The following ARPC2 variants were observed in gnomAD, a reference collection of about 807,000 sequenced individuals.
ARPC2 encodes the protein actin-related protein 2/3 complex subunit 2.
Under a neutral mutation model 38.6 loss-of-function variants are expected in ARPC2, and 4 were observed. The ratio of observed to expected loss-of-function variants is 0.10; its 90% confidence interval spans 0.05 to 0.24. The LOEUF is 0.24. Ranked by LOEUF, ARPC2 falls within the 10% of genes least tolerant of loss-of-function variation. ARPC2 has a pLI of 1.00. For synonymous variants in ARPC2, 125 were observed against 140.8 expected, an observed-to-expected ratio of 0.89 and a Z score of 0.79; for missense variants, 229 against 387.3, an observed-to-expected ratio of 0.59 and a Z score of 3.43.
At chr2:218,252,381 C>G (rs1690212805) in intron 10 of ARPC2, among the ~76,000 whole-genome samples, 1 of 152,150 alleles carries the variant, frequency 6.6e-6, no homozygotes, top group African/African-American at 2.4e-5. Flanking sequence ...GCAAAGTGAC[C>G]AACAAGGTGG....
intron 2 of ARPC2, among the ~76,000 whole-genome samples, chr2:218,218,065 C>G (rs1045960422): frequency 1.3e-5 from 2 of 152,210 alleles, no homozygotes; most frequent in African/African-American, 4.8e-5. Context: ...AGACTAAAAG[C>G]CGACCCAGTC....
intron 10 of ARPC2, among the ~76,000 whole-genome samples, chr2:218,250,890 CAG>C (rs1054487867): frequency 6.6e-6 from 1 of 151,990 alleles, no homozygotes; most frequent in Non-Finnish European, 1.5e-5. Context: ...TTGGGGGAGA[CAG>C]AGTCTCACTC....
At chr2:218,228,515 GAAAGA>G in intron 3 of ARPC2, among the ~76,000 whole-genome samples, 1 of 152,306 alleles carries the variant, frequency 6.6e-6, no homozygotes, top group East Asian at 1.9e-4. Flanking sequence ...TGTGATTAAG[GAAAGA>G]ATAGCTTTGT....
intron 2 of ARPC2, among the ~76,000 whole-genome samples, chr2:218,221,081 G>A (rs936953654): frequency 2.6e-5 from 4 of 152,200 alleles, no homozygotes; most frequent in African/African-American, 4.8e-5. Context: ...ACCAAGAACC[G>A]TTTCATAACT....
chr2:218,245,465 C>T lies in ARPC2; in HGVS notation c.595C>T (p.Leu199Phe). ...AGCCAGCCACACAGCCCCACAGGTC[C>T]TCTTTAGCCACAGGGAACCTCCTCT... The part of the protein sequence containing the change: ...RRASHTAPQV[L>F]FSHREPPLEL... The change falls in exon 8 of 11, where the codon CTC becomes TTC. Residue 199 changes from leucine to phenylalanine, a missense_variant. By Grantham distance (22) the Leu-to-Phe change is conservative. Coordinates refer to ENST00000315717, the MANE Select transcript of ARPC2 (RefSeq NM_152862.3). 1.2e-6 allele frequency: 2 copies of T among 1,614,154 alleles called. No individual in the cohort carries two copies. The highest frequency in any genetic ancestry group is 1.7e-6 in the Non-Finnish European group (2 of 1,180,026).
intron 4 of ARPC2, among the ~76,000 whole-genome samples, chr2:218,232,028 T>C (rs1387075858): frequency 6.6e-6 from 1 of 152,098 alleles, no homozygotes; most frequent in African/African-American, 2.4e-5. Flanking sequence ...TTGCTTGAGG[T>C]CAGGATTTCG....
At chr2:218,237,562 C>G (rs1321835025) in intron 5 of ARPC2, among the ~76,000 whole-genome samples, 2 of 150,224 alleles carry the variant, frequency 1.3e-5, no homozygotes, top group Non-Finnish European at 3.0e-5. Flanking sequence ...ATTAACAAGT[C>G]AGGCAATTTT....
rs1311991430 is a variant in ARPC2, at chr2:218,225,474, C to T, written c.75-446C>T. 2.6e-5 allele frequency among the ~76,000 whole-genome samples: 4 copies of T among 152,122 alleles called. No individual in the cohort carries two copies. In the East Asian group the frequency reaches 5.8e-4, roughly 22 times the overall value. On this transcript the variant is annotated intron_variant, in intron 2 of 10. Transcript: ENST00000315717. ...AGAACTTGCCGTTTTGTTTATGGCC[C>T]GAAATCATCCTTTCTCTTTAAGCAT...
chr2:218,227,559 TG>T (rs1427274134), intron 3 of ARPC2, among the ~76,000 whole-genome samples: 2 of 151,546 alleles, frequency 1.3e-5, no homozygotes, highest in African/African-American at 4.9e-5. Flanking sequence ...CTCAAGTAGC[TG>T]GGACTACAGA....
In ARPC2 at chr2:218,232,448, A is replaced by G. The variant is rs114843198; in HGVS notation, c.223-1904A>G. On this transcript the variant is annotated intron_variant, in intron 4 of 10. Coordinates refer to ENST00000315717, the MANE Select transcript of ARPC2 (RefSeq NM_152862.3). The stretch of plus-strand genomic sequence containing the variant: ...TTTGACTCATGTTCTGGGGACTGGG[A>G]AGTCCAAGAGCGTGGCACCAGCATC... Among the ~76,000 whole-genome samples, 737 of 152,124 alleles carry G rather than the reference A, an allele frequency of 4.8e-3. 3 individuals are homozygous for G. Among genetic ancestry groups the G allele is most frequent in the Non-Finnish European group, 8.4e-3 (568 of 67,998 alleles).
chr2:218,252,504 G>A (rs1265475412), intron 10 of ARPC2, among the ~76,000 whole-genome samples: 1 of 152,086 alleles, frequency 6.6e-6, no homozygotes, highest in African/African-American at 2.4e-5. Flanking sequence ...TTCTCACCGG[G>A]TACTTGTTTG....
chr2:218,250,900 C>G (rs1354110485), intron 10 of ARPC2, among the ~76,000 whole-genome samples: 2 of 152,006 alleles, frequency 1.3e-5, no homozygotes, highest in African/African-American at 4.8e-5. Context: ...CAGAGTCTCA[C>G]TCTGTCGCCC....
rs1689790702 is a variant in ARPC2 at position 218,237,077 on chromosome 2, C to T, written c.269-1587C>T. ...AAAAAGGCAGGTCATCCAATGGTTT[C>T]AGTCCATGTTCTGCACCCGTATTGA... On this transcript the variant is annotated intron_variant, in intron 5 of 10. Coordinates refer to ENST00000315717, the MANE Select transcript of ARPC2 (RefSeq NM_152862.3). Among the ~76,000 whole-genome samples, 3 of 152,206 alleles carry T rather than the reference C, an allele frequency of 2.0e-5. No individual in the cohort carries two copies. In the South Asian group the frequency reaches 6.2e-4, roughly 32 times the overall value.
intron 6 of ARPC2, chr2:218,239,091 T>A: frequency 1.8e-6 from 1 of 563,358 alleles, no homozygotes; most frequent in Non-Finnish European, 3.1e-6. Context: ...AAGGCACCAC[T>A]GTTCTGAGTC....
chr2:218,242,052 A>G (rs754643786), intron 7 of ARPC2, among the ~76,000 whole-genome samples: 2 of 152,248 alleles, frequency 1.3e-5, no homozygotes, highest in Non-Finnish European at 2.9e-5. Context: ...CATGGTCACT[A>G]GTCTACTTGT....
intron 5 of ARPC2, among the ~76,000 whole-genome samples, chr2:218,238,085 A>G (rs1182307725): frequency 6.6e-6 from 1 of 152,230 alleles, no homozygotes; most frequent in African/African-American, 2.4e-5. Context: ...TAAAAATTGT[A>G]CAATATATAC....
Position 218,217,557 on chromosome 2 carries a change from C to A in ARPC2, c.74+13C>A, listed in dbSNP as rs766737564. The A allele has an allele frequency of 6.2e-7, 1 of 1,606,726 alleles. No homozygotes were observed. The highest frequency in any genetic ancestry group is 1.3e-5 in the African/African-American group (1 of 74,746). On this transcript the variant is annotated intron_variant, in intron 2 of 10. Transcript: ENST00000315717. The stretch of plus-strand genomic sequence containing the variant: ...ACGCGGCCGCCGGGTGAGCGCGCGC[C>A]CGGGGCCGGGGGTGGCGGGGGAAGC...
intron 5 of ARPC2, 122 bp downstream of exon 5, chr2:218,234,519 A>G: frequency 2.4e-6 from 2 of 838,696 alleles, no homozygotes; most frequent in Non-Finnish European, 3.7e-6. Context: ...GCATGAGCCC[A>G]TTCCTAATTT....
At chr2:218,221,953 G>A (rs1294979506) in intron 2 of ARPC2, among the ~76,000 whole-genome samples, 1 of 152,162 alleles carries the variant, frequency 6.6e-6, no homozygotes, top group African/African-American at 2.4e-5. Flanking sequence ...GGATAAGTAG[G>A]AGAGAGACAT....
Sources: gnomAD v4.1 joint callset for allele counts (sites outside exome capture counted in the v4.1 genomes callset) on GRCh38, gnomAD v4.1.1 for gene constraint, MANE v1.5 for transcripts, NCBI Gene and HGNC (gene_info 2026-07-23, HGNC 2026-07-21) for gene names.